ELMOD1: variants seen among roughly 807,000 people sequenced by gnomAD.
ELMOD1 encodes the protein ELMO domain-containing protein 1.
Under a neutral mutation model 46.7 loss-of-function variants are expected in ELMOD1, and 21 were observed. The observed-to-expected ratio is 0.45, with a 90% CI of 0.32 to 0.65. ELMOD1 has a LOEUF of 0.65. Among genes scored for constraint, ELMOD1 ranks in the 30% least tolerant of loss-of-function variants. The pLI is 0.04. For synonymous variants in ELMOD1, 122 were observed against 138.2 expected (o/e 0.88, Z 0.82); for missense variants, 348 against 407.8 (o/e 0.85, Z 1.26).
intron 2 of ELMOD1, among the ~76,000 whole-genome samples, chr11:107,629,733 T>G (rs565780817): frequency 1.3e-5 from 2 of 152,230 alleles, no homozygotes; most frequent in South Asian, 4.1e-4. Flanking sequence ...TTTGAAACAT[T>G]TAAATCACGG....
intron 8 of ELMOD1, 135 bp downstream of exon 8, chr11:107,650,538 A>G: frequency 1.4e-6 from 1 of 713,976 alleles, no homozygotes. Context: ...CTTGTAATAA[A>G]TGCTGAGTTG....
chr11:107,599,429 G>T (rs903124559), intron 1 of ELMOD1, among the ~76,000 whole-genome samples: 9 of 151,860 alleles, frequency 5.9e-5, no homozygotes, highest in Non-Finnish European at 1.2e-4. Flanking sequence ...TAAAGAAAAA[G>T]CTCAATAAAT....
At chr11:107,659,912 A>T (rs79475675) in intron 11 of ELMOD1, among the ~76,000 whole-genome samples, 1 of 152,118 alleles carries the variant, frequency 6.6e-6, no homozygotes, top group Non-Finnish European at 1.5e-5. Flanking sequence ...AGAAAAAAGT[A>T]TTAGTCTTGG....
intron 1 of ELMOD1, among the ~76,000 whole-genome samples, chr11:107,603,644 G>C (rs1290137789): frequency 6.6e-6 from 1 of 151,296 alleles, no homozygotes; most frequent in African/African-American, 2.4e-5. Context: ...TCTAACTCCT[G>C]AACATGGCTG....
At chr11:107,648,495 G>C (rs146799759) in intron 7 of ELMOD1, among the ~76,000 whole-genome samples, 2 of 152,220 alleles carry the variant, frequency 1.3e-5, no homozygotes, top group Non-Finnish European at 2.9e-5. Context: ...AGGGATCCCA[G>C]CCTGATGCCT....
chr11:107,631,953 A>G (rs77846184), intron 5 of ELMOD1, among the ~76,000 whole-genome samples: 2,545 of 152,350 alleles, frequency 0.017, 39 homozygotes, highest in Middle Eastern at 0.041. Flanking sequence ...GAACCCATTC[A>G]TCAACAATCA....
intron 8 of ELMOD1, 82 bp from the exon 9 acceptor site, chr11:107,650,803 C>A (rs1350454751): frequency 6.6e-6 from 6 of 912,332 alleles, no homozygotes; most frequent in African/African-American, 1.8e-5. Flanking sequence ...CTTTTTTTTT[C>A]TTTCTTTCTT....
intron 5 of ELMOD1, among the ~76,000 whole-genome samples, chr11:107,632,958 G>A (rs1182598493): frequency 6.6e-6 from 1 of 152,132 alleles, no homozygotes; most frequent in Non-Finnish European, 1.5e-5. Flanking sequence ...TTGACATCAT[G>A]CCACAAATGG....
chr11:107,653,667 C>T (rs1202886953), intron 9 of ELMOD1: 1 of 150,340 alleles, frequency 6.7e-6, no homozygotes, highest in African/African-American at 2.4e-5. Context: ...TTCCTTTCTT[C>T]TTTTCTTTCT....
chr11:107,596,060 T>C (rs1275897209), intron 1 of ELMOD1, among the ~76,000 whole-genome samples: 1 of 152,112 alleles, frequency 6.6e-6, no homozygotes, highest in Admixed American at 6.5e-5. Flanking sequence ...AGGCAATAAC[T>C]GTAGATTCAA....
chr11:107,621,465 T>C (rs1865946902), intron 2 of ELMOD1, among the ~76,000 whole-genome samples: 1 of 152,256 alleles, frequency 6.6e-6, no homozygotes, highest in Non-Finnish European at 1.5e-5. Flanking sequence ...AATATCTTGG[T>C]CCACTAAGTC....
chr11:107,618,332 C>A (rs758492435), intron 2 of ELMOD1, 126 bp downstream of exon 2: 8 of 1,109,714 alleles, frequency 7.2e-6, no homozygotes, highest in Non-Finnish European at 1.1e-5. Flanking sequence ...TGTGAAATAG[C>A]ACTGCATTTT....
chr11:107,654,641 C>T (rs1415160720), intron 10 of ELMOD1, among the ~76,000 whole-genome samples: 2 of 151,942 alleles, frequency 1.3e-5, no homozygotes, highest in Admixed American at 6.6e-5. Flanking sequence ...TGTTGGCGGG[C>T]GCCTGTAGTC....
chr11:107,620,474 C>T (rs1865928356), intron 2 of ELMOD1: 1 of 152,204 alleles, frequency 6.6e-6, no homozygotes, highest in African/African-American at 2.4e-5. Context: ...TTGATTAGTA[C>T]ACCTGGCTAA....
intron 1 of ELMOD1, among the ~76,000 whole-genome samples, chr11:107,607,572 C>T (rs1170499389): frequency 1.3e-5 from 2 of 152,142 alleles, no homozygotes; most frequent in African/African-American, 4.8e-5. Context: ...GTGGGAGGAT[C>T]GCTTGAGCCT....
intron 4 of ELMOD1, 58 bp downstream of exon 4, chr11:107,630,786 A>T (rs1414720100): frequency 6.5e-7 from 1 of 1,529,498 alleles, no homozygotes; most frequent in African/African-American, 1.4e-5. Context: ...CCTTTATCAT[A>T]AGAAGTAAAA....
In ELMOD1 at chr11:107,631,687, T is replaced by C. The variant is rs200870994; in HGVS notation, c.290+10T>C. ...CTGACGTAAATCCACAGTAAGAATA[T>C]GTTTCTTATGTCAAAAATACAGAAC... is the stretch of plus-strand genomic sequence containing the variant. On this transcript the variant is annotated intron_variant, in intron 5 of 11. Coordinates refer to ENST00000265840, the MANE Select transcript of ELMOD1 (RefSeq NM_018712.4). 6.5e-5 allele frequency: 91 copies of C among 1,394,960 alleles called. 1 individual carries two copies. Among genetic ancestry groups the C allele is most frequent in the Admixed American group, 2.5e-4 (12 of 47,208 alleles). The allele number at this position is 1,394,960 out of a possible 1,614,324, so 86.4% of individuals were successfully genotyped here.
Position 107,665,358 on chromosome 11 carries a change from A to G in ELMOD1, c.*161A>G. 1.4e-6 allele frequency: 1 copy of G among 713,512 alleles called. No homozygotes were observed. The highest frequency in any genetic ancestry group is 4.1e-4 in the Middle Eastern group (1 of 2,442). The allele number at this position is 713,512 out of a possible 1,614,324, so 44.2% of individuals were successfully genotyped here. On this transcript the variant is annotated 3_prime_UTR_variant, in exon 12 of 12. Transcript: ENST00000265840. Reference sequence around the variant, plus strand: ...TTGGTCATAATTCCGAGATCCCCAGAGACCACTGTTTCTGGAGTATCTGTC... The same window carrying G: ...TTGGTCATAATTCCGAGATCCCCAGGGACCACTGTTTCTGGAGTATCTGTC...
rs145908965 is a variant in ELMOD1 at position 107,614,892 on chromosome 11, C to T, written c.-85-3213C>T. Reference sequence around the variant, plus strand: ...GCACTCTTTTGCCTTTAGAGCTTTGCATGTGCTATCTGGAGAACCCCCAAC... The same window carrying T: ...GCACTCTTTTGCCTTTAGAGCTTTGTATGTGCTATCTGGAGAACCCCCAAC... On this transcript the variant is annotated intron_variant, in intron 1 of 11. Coordinates refer to ENST00000265840, the MANE Select transcript of ELMOD1 (RefSeq NM_018712.4). Among the ~76,000 whole-genome samples the T allele has an allele frequency of 7.9e-5, 12 of 152,300 alleles. No homozygotes were observed. In the South Asian group the frequency reaches 1.9e-3, roughly 24 times the overall value.
Sources: gnomAD v4.1 joint callset for allele counts (sites outside exome capture counted in the v4.1 genomes callset) on GRCh38, gnomAD v4.1.1 for gene constraint, MANE v1.5 for transcripts, NCBI Gene and HGNC (gene_info 2026-07-23, HGNC 2026-07-21) for gene names.